The following NUMBL variants were observed in gnomAD, a reference collection of about 807,000 sequenced individuals.
The protein encoded by NUMBL is NUMB like endocytic adaptor protein.
NUMBL carries 20 observed loss-of-function variants against 48.9 expected under a neutral mutation model. The observed-to-expected ratio is 0.41, with a 90% CI of 0.29 to 0.59. The LOEUF is 0.59. Ranked by LOEUF, NUMBL falls within the 20% of genes least tolerant of loss-of-function variation. NUMBL has a pLI of 0.31. For missense variants in NUMBL, 660 were observed against 846.2 expected (o/e 0.78, Z 2.73); for synonymous variants, 340 against 348.7 (o/e 0.98, Z 0.28).
chr19:40,685,462 A>T (rs529386017), intron 2 of NUMBL: 2 of 153,980 alleles, frequency 1.3e-5, no homozygotes, highest in South Asian at 4.1e-4. Flanking sequence ...GATAGTGTGC[A>T]TCTGTGAATG....
At chr19:40,678,503 T>C (rs2081889528) in intron 6 of NUMBL, among the ~76,000 whole-genome samples, 1 of 151,762 alleles carries the variant, frequency 6.6e-6, no homozygotes, top group Non-Finnish European at 1.5e-5. Context: ...ACAAGAGATC[T>C]CCCCTCCACC....
intron 6 of NUMBL, among the ~76,000 whole-genome samples, chr19:40,678,234 C>A (rs2081888129): frequency 6.6e-6 from 1 of 152,140 alleles, no homozygotes; most frequent in Admixed American, 6.5e-5. Flanking sequence ...ATGACCTCAG[C>A]TCACTGCAAC....
intron 3 of NUMBL, chr19:40,684,087 TGAAACAGAG>T: frequency 5.9e-6 from 1 of 169,666 alleles, no homozygotes. Flanking sequence ...TTTTTTTTTT[TGAAACAGAG>T]TCTGCTCTGT....
In NUMBL at chr19:40,684,399, C is replaced by G; in HGVS notation, c.249+18G>C. The G allele has an allele frequency of 6.5e-7, 1 of 1,547,704 alleles. No homozygotes were observed. Among genetic ancestry groups the G allele is most frequent in the Non-Finnish European group, 8.7e-7 (1 of 1,151,636 alleles). On this transcript the variant is annotated intron_variant, in intron 3 of 9. Coordinates refer to ENST00000252891, the MANE Select transcript of NUMBL (RefSeq NM_004756.5). ...CCCCGTCCCCCTCGCCCCGCCGCAC[C>G]CTGCCGCGCCCACTCACCCTGACCG...
Position 40,666,401 on chromosome 19 carries a change from A to T in NUMBL, c.*1067T>A, listed in dbSNP as rs903913097. The T allele has an allele frequency of 1.3e-5, 2 of 152,196 alleles. No individual in the cohort carries two copies. Among genetic ancestry groups the T allele is most frequent in the African/African-American group, 4.8e-5 (2 of 41,434 alleles). 9.4% of individuals were successfully genotyped at this position (152,196 alleles called of 1,614,324 possible). Reference sequence around the variant, plus strand: ...GTGATCTGCCTGCCTCGACCTCCCAAAGTGCTGGGATTACAGGCGTGAGCC... The same window carrying T: ...GTGATCTGCCTGCCTCGACCTCCCATAGTGCTGGGATTACAGGCGTGAGCC... On this transcript the variant is annotated 3_prime_UTR_variant, in exon 10 of 10. Transcript: ENST00000252891.
intron 5 of NUMBL, among the ~76,000 whole-genome samples, chr19:40,681,312 T>G (rs1283967682): frequency 6.6e-6 from 1 of 151,840 alleles, no homozygotes; most frequent in Non-Finnish European, 1.5e-5. Flanking sequence ...GCCAGGACCA[T>G]GGAGGCACAG....
At chr19:40,686,573 T>C (rs1374076528) in intron 2 of NUMBL, among the ~76,000 whole-genome samples, 1 of 152,176 alleles carries the variant, frequency 6.6e-6, no homozygotes, top group Non-Finnish European at 1.5e-5. Flanking sequence ...TATATATGTG[T>C]GTACATTAGT....
chr19:40,684,326 G>A, intron 3 of NUMBL, 91 bp downstream of exon 3: 1 of 1,392,844 alleles, frequency 7.2e-7, no homozygotes, highest in Non-Finnish European at 9.6e-7. Flanking sequence ...AACGACTTGG[G>A]CTGGTGTCCC....
chr19:40,679,721 A>G (rs974871581), intron 6 of NUMBL, among the ~76,000 whole-genome samples: 1 of 152,182 alleles, frequency 6.6e-6, no homozygotes, highest in African/African-American at 2.4e-5. Context: ...TAAAGAAGCC[A>G]GACACATATT....
chr19:40,677,770 C>T (rs1366941804), intron 6 of NUMBL, among the ~76,000 whole-genome samples: 2 of 151,998 alleles, frequency 1.3e-5, no homozygotes, highest in East Asian at 3.9e-4. Context: ...TTCCCTTGAG[C>T]CCAGGAGGTC....
intron 6 of NUMBL, 64 bp from the exon 7 acceptor site, chr19:40,677,485 A>G (rs2144657264): frequency 2.0e-6 from 3 of 1,481,722 alleles, no homozygotes; most frequent in Non-Finnish European, 2.7e-6. Context: ...GGCCAGGGGC[A>G]CTGGGTTATA....
rs2081910256 is a variant in NUMBL, at chr19:40,682,590, G to A, written c.399+138C>T. On this transcript the variant is annotated intron_variant, in intron 5 of 9. Transcript: ENST00000252891. This position sits in a 1 kb window ranked among gnomAD's most constrained non-coding sequence, Gnocchi z 4.0. ...ACAGCATTTATTCCTGAGTTATGAC[G>A]ACAGAGGGAGCACACGGCATCGTCT... is the stretch of plus-strand genomic sequence containing the variant. The A allele has an allele frequency of 2.7e-6, 2 of 728,292 alleles. No individual in the cohort carries two copies. The highest frequency in any genetic ancestry group is 2.8e-5 in the Admixed American group (1 of 36,046). 45.1% of individuals were successfully genotyped at this position (728,292 alleles called of 1,614,324 possible).
Position 40,673,749 on chromosome 19 carries a change from GC to G in NUMBL, c.731-101del. The G allele has an allele frequency of 8.7e-7, 1 of 1,154,980 alleles. No homozygotes were observed. The highest frequency in any genetic ancestry group is 1.2e-6 in the Non-Finnish European group (1 of 844,512). 71.5% of individuals were successfully genotyped at this position (1,154,980 alleles called of 1,614,324 possible). ...ATCATTCTCCAAGGCTGCCTTCCTT[GC>G]CCAGTGAGTCCTGCCCTTAAGACAA... On this transcript the variant is annotated intron_variant, in intron 7 of 9. Transcript: ENST00000252891. This position sits in a 1 kb window ranked among gnomAD's most constrained non-coding sequence, Gnocchi z 5.9.
Position 40,667,584 on chromosome 19 carries a change from G to A in NUMBL, c.1714C>T (p.Pro572Ser). 6.4e-7 allele frequency: 1 copy of A among 1,556,592 alleles called. No homozygotes were observed. The highest frequency in any genetic ancestry group is 8.7e-7 in the Non-Finnish European group (1 of 1,149,940). Residue 572 changes from proline (P) to serine (S), a missense_variant, in exon 10 of 10, where the codon CCA becomes TCA. Transcript: ENST00000252891. The surrounding 1 kb of genome is among the most constrained non-coding windows in gnomAD (Gnocchi z 6.1). ...WPPEPAPAPA[P>S]ELDPFEAQWA... ...TGGGCCTCAAAGGGGTCCAACTCTG[G>A]AGCTGGGGCAGGCGCTGGCTCAGGG...
intron 8 of NUMBL, among the ~76,000 whole-genome samples, chr19:40,671,912 ACT>A (rs2081850355): frequency 6.7e-6 from 1 of 150,206 alleles, no homozygotes; most frequent in Non-Finnish European, 1.5e-5. Flanking sequence ...ACAGGTTCTC[ACT>A]CTGTTGCCCA....
chr19:40,680,451 A>C (rs1004361632), intron 6 of NUMBL, among the ~76,000 whole-genome samples: 1 of 81,320 alleles, frequency 1.2e-5, no homozygotes, highest in Non-Finnish European at 2.3e-5. Context: ...CGCCTGGCCA[A>C]TACTCTTTTT....
intron 2 of NUMBL, among the ~76,000 whole-genome samples, 193 bp downstream of exon 2, chr19:40,686,718 C>T (rs2081936763): frequency 6.9e-6 from 1 of 145,776 alleles, no homozygotes; most frequent in East Asian, 2.0e-4. Flanking sequence ...TGACTCTGCA[C>T]TTGAGGCTGT....
At chr19:40,668,877 C>T (rs772205033) in intron 9 of NUMBL, among the ~76,000 whole-genome samples, 10 of 152,174 alleles carry the variant, frequency 6.6e-5, no homozygotes, top group Non-Finnish European at 1.2e-4. Context: ...AGTATCCTAA[C>T]ATAGTAAGGT....
At chr19:40,672,135 C>A (rs1378700195) in intron 8 of NUMBL, among the ~76,000 whole-genome samples, 1 of 152,212 alleles carries the variant, frequency 6.6e-6, no homozygotes, top group Non-Finnish European at 1.5e-5. Context: ...CTGCCTTGGC[C>A]TCCCAAAGTG....
Sources: gnomAD v4.1 joint callset for allele counts (sites outside exome capture counted in the v4.1 genomes callset) on GRCh38, gnomAD v4.1.1 for gene constraint, Gnocchi (gnomAD v3.1) non-coding constraint, MANE v1.5 for transcripts, NCBI Gene and HGNC (gene_info 2026-07-23, HGNC 2026-07-21) for gene names.